The following FSIP2 variants were observed in gnomAD, a reference collection of about 807,000 sequenced individuals.
FSIP2 encodes fibrous sheath-interacting protein 2.
A neutral mutation model predicts 510.5 loss-of-function variants in FSIP2; 367 were observed. The observed-to-expected ratio is 0.72, with a 90% CI of 0.66 to 0.78. The LOEUF is 0.78. FSIP2 is among the 30% of genes least tolerant of loss of function. The probability of loss-of-function intolerance (pLI) is 0.00; values close to 1 mark genes in which losing one functional copy is unlikely to be tolerated. For missense variants in FSIP2, 7,594 were observed against 7,901.7 expected, an observed-to-expected ratio of 0.96 and a Z score of 1.48; for synonymous variants, 2,601 against 2,732.2, an observed-to-expected ratio of 0.95 and a Z score of 1.50.
At chr2:185,779,962 G>T (rs1692807446) in intron 13 of FSIP2, among the ~76,000 whole-genome samples, 1 of 150,090 alleles carries the variant, frequency 6.7e-6, no homozygotes, top group South Asian at 2.1e-4. Flanking sequence ...AAAGATAATG[G>T]ATTTTTAGGC....
In FSIP2 at chr2:185,808,159, A is replaced by G. The variant is rs774961657; in HGVS notation, c.18853A>G (p.Ile6285Val). Reference protein sequence around the residue: ...MGKSNVLSDTIGFLMVNAISN... With the variant: ...MGKSNVLSDTVGFLMVNAISN... ...TAAAAGCAATGTCCTCTCTGATACAATAGGCTTTTTAATGGTGAATGCAAT... is the reference window on the plus strand; with the variant it reads ...TAAAAGCAATGTCCTCTCTGATACAGTAGGCTTTTTAATGGTGAATGCAAT... The change falls in exon 17 of 23, where the codon ATA becomes GTA. Residue 6285 changes from isoleucine to valine, a missense_variant. Ile to Val is a conservative substitution (Grantham distance 29). Coordinates refer to ENST00000424728, the MANE Select transcript of FSIP2 (RefSeq NM_173651.4). 3.1e-6 allele frequency: 5 copies of G among 1,611,456 alleles called. No homozygotes were observed. The highest frequency in any genetic ancestry group is 4.2e-6 in the Non-Finnish European group (5 of 1,178,898).
chr2:185,793,639 G>C lies in FSIP2; in HGVS notation c.6503G>C (p.Ser2168Thr). Residue 2168 changes from serine to threonine, a missense_variant, in exon 16 of 23, where the codon AGT (serine) becomes ACT (threonine). Physicochemically the swap from Ser to Thr is moderately conservative, Grantham distance 58. Transcript: ENST00000424728. ...DIVNIVLHNL[S>T]SAATLVINAK... The stretch of plus-strand genomic sequence containing the variant: ...GTGAATATTGTTCTTCATAATCTCA[G>C]TTCTGCTGCCACGCTTGTCATAAAT... 6.5e-7 allele frequency: 1 copy of C among 1,534,496 alleles called. No individual in the cohort carries two copies. The highest frequency in any genetic ancestry group is 8.7e-7 in the Non-Finnish European group (1 of 1,145,704).
At chr2:185,753,976 A>T (rs1383915510) in intron 8 of FSIP2, 134 bp downstream of exon 8, 2 of 510,548 alleles carry the variant, frequency 3.9e-6, no homozygotes, top group Non-Finnish European at 3.1e-6. Context: ...GCATTTCTGT[A>T]GTATAGTTCA....
chr2:185,803,468 A>T lies in FSIP2; in HGVS notation c.14162A>T (p.Asn4721Ile). The T allele has an allele frequency of 6.5e-7, 1 of 1,528,854 alleles. No homozygotes were observed. Among genetic ancestry groups the T allele is most frequent in the East Asian group, 2.5e-5 (1 of 40,790 alleles). 94.7% of individuals were successfully genotyped at this position (1,528,854 alleles called of 1,614,324 possible). The change falls in exon 17 of 23, where the codon AAT (asparagine) becomes ATT (isoleucine). Residue 4721 changes from asparagine (N) to isoleucine (I), a missense_variant. By Grantham distance (149) the Asn-to-Ile change is moderately radical. Coordinates refer to ENST00000424728, the MANE Select transcript of FSIP2 (RefSeq NM_173651.4). ...GTCGTGCCCAATAAAGATTTTCTAAATGACACAAAGACATTGGCTGCAAGA... is the reference window on the plus strand; with the variant it reads ...GTCGTGCCCAATAAAGATTTTCTAATTGACACAAAGACATTGGCTGCAAGA... The part of the protein sequence containing the change: ...MEVVPNKDFL[N>I]DTKTLAARIT...
chr2:185,793,200 A>C lies in FSIP2; in HGVS notation c.6064A>C (p.Arg2022=), dbSNP rs1348673101. Residue 2022 remains arginine (R), a synonymous_variant, in exon 16 of 23, where the codon AGG becomes CGG. Transcript: ENST00000424728. ...AATCAAACAGGAATTAGATAAAGAA[A>C]GGGAAAATCCTTTTTTAACTCATGA... ...QGIKQELDKE[R]ENPFLTHDIG... The C allele has an allele frequency of 1.3e-6, 2 of 1,533,746 alleles. No individual in the cohort carries two copies. Among genetic ancestry groups the C allele is most frequent in the African/African-American group, 2.7e-5 (2 of 72,838 alleles).
chr2:185,816,399 A>T (rs1045970933), intron 19 of FSIP2, among the ~76,000 whole-genome samples: 1 of 152,028 alleles, frequency 6.6e-6, no homozygotes, highest in Non-Finnish European at 1.5e-5. Flanking sequence ...ATACTAAATA[A>T]AAATGATTTT....
At chr2:185,787,457 A>G (rs1349718712) in intron 15 of FSIP2, among the ~76,000 whole-genome samples, 1 of 151,736 alleles carries the variant, frequency 6.6e-6, no homozygotes, top group East Asian at 1.9e-4. Flanking sequence ...AATTTAGGCA[A>G]TATTTTGGGT....
rs537213167 is a variant in FSIP2 at position 185,806,450 on chromosome 2, T to C, written c.17144T>C (p.Leu5715Ser). The C allele has an allele frequency of 4.2e-5, 67 of 1,611,942 alleles. 3 individuals are homozygous for C. The South Asian group carries it at 7.3e-4, about 17-fold the overall frequency. ...CAAAGCCCCCCAGGTGATAATGTAT[T>C]AAATGTAATTCAAGAGATTAGCAGG... ...YDQSPPGDNV[L>S]NVIQEISRDS... Residue 5715 changes from leucine to serine, a missense_variant, in exon 17 of 23, where the codon TTA becomes TCA. Transcript: ENST00000424728.
intron 13 of FSIP2, chr2:185,766,382 C>T (rs1191855265): frequency 6.7e-6 from 1 of 148,682 alleles, no homozygotes; most frequent in Non-Finnish European, 1.5e-5. Flanking sequence ...GAACAGGCAA[C>T]CTACAAAATG....
At chr2:185,772,882 T>TCTTTTG (rs1022269794) in intron 13 of FSIP2, among the ~76,000 whole-genome samples, 13 of 151,878 alleles carry the variant, frequency 8.6e-5, no homozygotes, top group Admixed American at 3.3e-4. Flanking sequence ...TTTTTCTTTT[T>TCTTTTG]TCAGATCTAG....
Position 185,796,776 on chromosome 2 carries a change from G to A in FSIP2, c.9640G>A (p.Val3214Ile). 6.5e-7 allele frequency: 1 copy of A among 1,535,090 alleles called. No individual in the cohort carries two copies. The highest frequency in any genetic ancestry group is 8.7e-7 in the Non-Finnish European group (1 of 1,146,284). Residue 3214 changes from valine to isoleucine, a missense_variant, in exon 16 of 23, where the codon GTA (valine) becomes ATA (isoleucine). Transcript: ENST00000424728. Reference sequence around the variant, plus strand: ...TTTACCCACCTCTGTCAGATCCTCTGTAGAAGACACAGTTAAAAACTCAGA... The same window carrying A: ...TTTACCCACCTCTGTCAGATCCTCTATAGAAGACACAGTTAAAAACTCAGA... ...SDLPTSVRSS[V>I]EDTVKNSEPT...
intron 19 of FSIP2, among the ~76,000 whole-genome samples, chr2:185,818,955 T>C (rs1390992384): frequency 1.3e-5 from 2 of 151,972 alleles, no homozygotes; most frequent in African/African-American, 2.4e-5. Flanking sequence ...ATTTAGCTCA[T>C]ATATCCACTT....
At chr2:185,759,859 C>A (rs1274323287) in intron 9 of FSIP2, among the ~76,000 whole-genome samples, 2 of 150,344 alleles carry the variant, frequency 1.3e-5, no homozygotes, top group Admixed American at 6.7e-5. Flanking sequence ...AGCATAATTT[C>A]TTGCTTAAAT....
At chr2:185,820,267 C>G (rs566964900) in intron 19 of FSIP2, among the ~76,000 whole-genome samples, 35 of 151,696 alleles carry the variant, frequency 2.3e-4, no homozygotes, top group Non-Finnish European at 4.6e-4. Flanking sequence ...ACTTCTCCTT[C>G]CTGCCACCTG....
upstream of FSIP2, among the ~76,000 whole-genome samples, chr2:185,737,374 C>A (rs943443442): frequency 1.3e-5 from 2 of 152,178 alleles, no homozygotes; most frequent in East Asian, 3.9e-4. Context: ...GGTCAGTTTG[C>A]CATCAAAGAT....
chr2:185,826,132 T>G (rs568420376), intron 20 of FSIP2, among the ~76,000 whole-genome samples: 1 of 151,930 alleles, frequency 6.6e-6, no homozygotes, highest in African/African-American at 2.4e-5. Flanking sequence ...GTTATACCAT[T>G]GAGGTTTGTG....
At chr2:185,762,634 T>A (rs185264521) in intron 11 of FSIP2, among the ~76,000 whole-genome samples, 1 of 151,382 alleles carries the variant, frequency 6.6e-6, no homozygotes, top group Non-Finnish European at 1.5e-5. Flanking sequence ...ATTTTGTATC[T>A]AAAAGTTCAC....
intron 19 of FSIP2, among the ~76,000 whole-genome samples, chr2:185,818,843 A>G (rs534169585): frequency 9.9e-4 from 150 of 152,088 alleles, no homozygotes; most frequent in Middle Eastern, 3.4e-3. Context: ...AGTTAAAAAG[A>G]AAAATGAAAT....
Position 185,767,201 on chromosome 2 carries a change from G to C in FSIP2, c.1411+2636G>C, listed in dbSNP as rs10173396. On this transcript the variant is annotated intron_variant, in intron 13 of 22. Coordinates refer to ENST00000424728, the MANE Select transcript of FSIP2 (RefSeq NM_173651.4). ...GGGCAGGGGGGAGGGATAGCATCGG[G>C]AGATATACCTAATGCTAGATGACGA... Among the ~76,000 whole-genome samples the C allele has an allele frequency of 6.1e-3, 908 of 149,476 alleles. 8 individuals carry two copies. Among genetic ancestry groups the C allele is most frequent in the African/African-American group, 0.021 (838 of 40,442 alleles).
Sources: gnomAD v4.1 joint callset for allele counts (sites outside exome capture counted in the v4.1 genomes callset) on GRCh38, gnomAD v4.1.1 for gene constraint, MANE v1.5 for transcripts, NCBI Gene and HGNC (gene_info 2026-07-23, HGNC 2026-07-21) for gene names.